The following SLC39A11 variants were observed in gnomAD, a reference collection of about 807,000 sequenced individuals.
SLC39A11 encodes solute carrier family 39 member 11.
In SLC39A11, 33 loss-of-function variants were observed where a neutral mutation model predicts 36.1. The ratio of observed to expected loss-of-function variants is 0.91; its 90% CI spans 0.69 to 1.22. SLC39A11 has a LOEUF of 1.22. Ranked by LOEUF, SLC39A11 falls within the 50% of genes most tolerant of loss-of-function variation. SLC39A11 has a pLI of 0.00. For missense variants in SLC39A11, 432 were observed against 430.3 expected (o/e 1.00, Z -0.03); for synonymous variants, 166 against 170.3 (o/e 0.97, Z 0.20).
At chr17:72,764,215 G>A (rs1264519183) in intron 6 of SLC39A11, among the ~76,000 whole-genome samples, 1 of 152,038 alleles carries the variant, frequency 6.6e-6, no homozygotes, top group Non-Finnish European at 1.5e-5. Context: ...TGTGGCGGAG[G>A]GAGGAGCCAT....
intron 6 of SLC39A11, among the ~76,000 whole-genome samples, chr17:72,793,403 C>T (rs1345003762): frequency 6.6e-6 from 1 of 152,024 alleles, no homozygotes; most frequent in African/African-American, 2.4e-5. Context: ...TATTAGCTGA[C>T]TTGCTGTGTT....
chr17:73,007,962 G>T (rs1190246661), intron 4 of SLC39A11, among the ~76,000 whole-genome samples: 4 of 152,072 alleles, frequency 2.6e-5, no homozygotes, highest in African/African-American at 9.7e-5. Flanking sequence ...AATTAGCGGG[G>T]TGTGGTGGCG....
At chr17:72,651,819 G>C (rs1354080814) in intron 7 of SLC39A11, among the ~76,000 whole-genome samples, 1 of 152,210 alleles carries the variant, frequency 6.6e-6, no homozygotes, top group East Asian at 1.9e-4. Flanking sequence ...TGTTCATGAA[G>C]TGGAGTGGAC....
At chr17:73,046,068 C>T (rs187874598) in intron 3 of SLC39A11, among the ~76,000 whole-genome samples, 122 of 152,260 alleles carry the variant, frequency 8.0e-4, no homozygotes, top group Middle Eastern at 3.4e-3. Flanking sequence ...AGAGAAGACT[C>T]GGCAGTCTGG....
chr17:72,768,701 T>C (rs961212251), intron 6 of SLC39A11, among the ~76,000 whole-genome samples: 1 of 152,214 alleles, frequency 6.6e-6, no homozygotes, highest in African/African-American at 2.4e-5. Context: ...CTCCAAGAGA[T>C]AACCAGGTGC....
At chr17:73,068,126 AT>A in intron 3 of SLC39A11, 2 of 1,366,070 alleles carry the variant, frequency 1.5e-6, no homozygotes, top group Non-Finnish European at 1.0e-6. Flanking sequence ...CAAAATGTCA[AT>A]TTTTTTCTTG....
intron 5 of SLC39A11, among the ~76,000 whole-genome samples, chr17:72,940,398 C>T (rs1239140138): frequency 5.3e-5 from 8 of 152,044 alleles, no homozygotes; most frequent in African/African-American, 1.7e-4. Flanking sequence ...GCCTTAGCCT[C>T]CCACGTAGCT....
intron 7 of SLC39A11, among the ~76,000 whole-genome samples, chr17:72,656,735 A>G (rs1267445265): frequency 6.6e-6 from 1 of 152,154 alleles, no homozygotes; most frequent in Non-Finnish European, 1.5e-5. Flanking sequence ...AGAATTTGCT[A>G]GGAAGGGACA....
intron 4 of SLC39A11, among the ~76,000 whole-genome samples, chr17:72,957,106 C>T (rs934792691): frequency 6.6e-6 from 1 of 152,122 alleles, no homozygotes; most frequent in Non-Finnish European, 1.5e-5. Flanking sequence ...CTAGATGGAG[C>T]TCATTCGTAC....
chr17:72,729,426 TATATATATATATATATATATATATA>T (rs2074085886), intron 7 of SLC39A11, among the ~76,000 whole-genome samples: 8 of 5,310 alleles, frequency 1.5e-3, no homozygotes, highest in Non-Finnish European at 2.7e-3. Flanking sequence ...TATATATATA[TATATATATATATATATATATATATA>T]TATATATTTT....
At chr17:72,914,971 CT>C (rs72318294) in intron 5 of SLC39A11, among the ~76,000 whole-genome samples, 21,980 of 152,082 alleles carry the variant, frequency 0.14, 1,927 homozygotes, top group Non-Finnish European at 0.2. Flanking sequence ...CCTGTTTCTG[CT>C]TTAGTGGCAC....
chr17:72,729,890 C>T (rs1019628892), intron 7 of SLC39A11, among the ~76,000 whole-genome samples: 1 of 152,094 alleles, frequency 6.6e-6, no homozygotes, highest in African/African-American at 2.4e-5. Context: ...AATCTTATGC[C>T]GCCTATGGGC....
At chr17:72,715,406 A>G (rs1262974165) in intron 7 of SLC39A11, among the ~76,000 whole-genome samples, 1 of 152,242 alleles carries the variant, frequency 6.6e-6, no homozygotes, top group African/African-American at 2.4e-5. Context: ...CCAAGTGTTC[A>G]TGGACAGACG....
intron 6 of SLC39A11, among the ~76,000 whole-genome samples, chr17:72,817,189 A>G (rs2077610309): frequency 6.6e-6 from 1 of 152,164 alleles, no homozygotes; most frequent in Non-Finnish European, 1.5e-5. Flanking sequence ...CATGGTGTCA[A>G]CATGTGCTTC....
intron 6 of SLC39A11, among the ~76,000 whole-genome samples, chr17:72,786,020 C>T (rs1598731522): frequency 6.6e-6 from 1 of 152,200 alleles, no homozygotes; most frequent in African/African-American, 2.4e-5. Flanking sequence ...GAGATTCCCT[C>T]CCCGACATCT....
intron 4 of SLC39A11, among the ~76,000 whole-genome samples, chr17:72,976,547 A>G (rs2087862062): frequency 1.3e-5 from 2 of 152,160 alleles, no homozygotes; most frequent in Non-Finnish European, 2.9e-5. Context: ...CATTTGCAGA[A>G]AGGCACAGAA....
intron 5 of SLC39A11, among the ~76,000 whole-genome samples, chr17:72,924,231 G>A (rs376447112): frequency 3.4e-5 from 5 of 148,674 alleles, no homozygotes; most frequent in Admixed American, 2.0e-4. Flanking sequence ...CTAAGGGCAC[G>A]TTAAAGTCTC....
At chr17:72,721,399 G>C (rs930097232) in intron 7 of SLC39A11, among the ~76,000 whole-genome samples, 12 of 152,134 alleles carry the variant, frequency 7.9e-5, no homozygotes, top group Non-Finnish European at 1.8e-4. Context: ...GTCCGGTCTT[G>C]ACTGCTGCCC....
intron 7 of SLC39A11, among the ~76,000 whole-genome samples, chr17:72,698,459 CA>C (rs61454778): frequency 0.024 from 2,196 of 92,936 alleles, 14 homozygotes; most frequent in Non-Finnish European, 0.031. Flanking sequence ...TAATAAAAAC[CA>C]AAAAAAAAAA....
Sources: gnomAD v4.1 joint callset for allele counts (sites outside exome capture counted in the v4.1 genomes callset) on GRCh38, gnomAD v4.1.1 for gene constraint, MANE v1.5 for transcripts, NCBI Gene and HGNC (gene_info 2026-07-23, HGNC 2026-07-21) for gene names.